The following IGSF10 variants were observed in gnomAD, a reference collection of about 807,000 sequenced individuals.
The protein encoded by IGSF10 is immunoglobulin superfamily member 10.
A neutral mutation model predicts 128.2 loss-of-function variants in IGSF10; 126 were observed. That is an observed-to-expected ratio of 0.98 (90% CI 0.85 to 1.14). The LOEUF (loss-of-function observed/expected upper bound fraction) is 1.14. Among genes scored for constraint, IGSF10 ranks in the 50% most tolerant of loss-of-function variants. The probability of loss-of-function intolerance (pLI) is 0.00; values close to 1 mark genes in which losing one functional copy is unlikely to be tolerated. For missense variants in IGSF10, 3,295 were observed against 3,149.8 expected, an observed-to-expected ratio of 1.05 and a Z score of -1.10; for synonymous variants, 1,185 against 1,146.2, an observed-to-expected ratio of 1.03 and a Z score of -0.68.
chr3:151,598,070 G>GGTGTGTGTGTGTGTGTGT, the IGSF10 span, among the ~76,000 whole-genome samples: 4 of 137,776 alleles, frequency 2.9e-5, no homozygotes, highest in African/African-American at 8.1e-5. Context: ...AATGAGTACT[G>GGTGTGTGTGTGTGTGTGT]GTGTGTGTGT....
the IGSF10 span, among the ~76,000 whole-genome samples, chr3:151,581,523 T>A: frequency 6.6e-6 from 1 of 152,198 alleles, no homozygotes; most frequent in Non-Finnish European, 1.5e-5. Flanking sequence ...TTCTTATTAG[T>A]GGAATGACAG....
the IGSF10 span, among the ~76,000 whole-genome samples, chr3:151,552,241 C>T: frequency 6.6e-6 from 1 of 152,132 alleles, no homozygotes; most frequent in East Asian, 1.9e-4. Context: ...TTCCTGAGGC[C>T]TCCCCAGCCA....
chr3:151,564,565 A>C, the IGSF10 span, among the ~76,000 whole-genome samples: 1 of 152,272 alleles, frequency 6.6e-6, no homozygotes, highest in South Asian at 2.1e-4. Flanking sequence ...GCATTCAGGC[A>C]TGGAAATATT....
At chr3:151,534,471 G>C in the IGSF10 span, among the ~76,000 whole-genome samples, 2 of 152,146 alleles carry the variant, frequency 1.3e-5, no homozygotes, top group Non-Finnish European at 2.9e-5. Context: ...ATACTATGCA[G>C]CCATAAAAAA....
chr3:151,449,722 T>C (rs751610300), intron 5 of IGSF10, among the ~76,000 whole-genome samples: 8 of 152,240 alleles, frequency 5.3e-5, no homozygotes, highest in Non-Finnish European at 1.2e-4. Flanking sequence ...TTATTTATAA[T>C]TCCTTGGGTA....
At chr3:151,504,381 G>T in the IGSF10 span, among the ~76,000 whole-genome samples, 1 of 152,162 alleles carries the variant, frequency 6.6e-6, no homozygotes, top group African/African-American at 2.4e-5. Context: ...TTCAGAATTT[G>T]CAGAGAGAAA....
the IGSF10 span, among the ~76,000 whole-genome samples, chr3:151,485,172 C>T: frequency 1.3e-5 from 2 of 151,660 alleles, no homozygotes; most frequent in Non-Finnish European, 2.9e-5. Flanking sequence ...TATCAATAGC[C>T]AAATCGATCA....
the IGSF10 span, among the ~76,000 whole-genome samples, chr3:151,478,138 C>T: frequency 1.3e-5 from 2 of 152,160 alleles, no homozygotes; most frequent in Non-Finnish European, 2.9e-5. Context: ...ACCTTAAAGC[C>T]CCTTAAAGTG....
rs142272716 is a variant in IGSF10, at chr3:151,458,131, A to ATGTG, written c.194+381_194+384dup. On this transcript the variant is annotated intron_variant, in intron 3 of 7. Transcript: ENST00000282466. Reference sequence around the variant, plus strand: ...GATACATATATATATATATGTATGTATGTGTGTGTGTGTGTGTATTATATA... The same window carrying ATGTG: ...GATACATATATATATATATGTATGTATGTGTGTGTGTGTGTGTGTGTATTATATA... 7.9e-3 allele frequency among the ~76,000 whole-genome samples: 1,192 copies of ATGTG among 150,648 alleles called. 18 individuals carry two copies. The highest frequency in any genetic ancestry group is 0.027 in the African/African-American group (1,118 of 41,142).
downstream of IGSF10, chr3:151,436,174 T>TG: frequency 6.6e-6 from 1 of 152,400 alleles, no homozygotes; most frequent in South Asian, 2.1e-4. Flanking sequence ...TGTGAACAAA[T>TG]GGTGAATCAT....
chr3:151,585,781 CAATT>C, the IGSF10 span, among the ~76,000 whole-genome samples: 68 of 152,022 alleles, frequency 4.5e-4, 1 homozygote, highest in Admixed American at 1.0e-3. Flanking sequence ...AAGAAAGTGT[CAATT>C]AACCTCTTGT....
chr3:151,479,266 T>C, the IGSF10 span, among the ~76,000 whole-genome samples: 2 of 152,098 alleles, frequency 1.3e-5, no homozygotes, highest in South Asian at 4.1e-4. Flanking sequence ...CCCCAAGTCT[T>C]AATGAGAAAA....
At chr3:151,450,948 C>T (rs1037273065) in intron 5 of IGSF10, among the ~76,000 whole-genome samples, 1 of 143,040 alleles carries the variant, frequency 7.0e-6, no homozygotes, top group African/African-American at 2.6e-5. Flanking sequence ...CACTTGCCAA[C>T]AAGCTGTATT....
the IGSF10 span, among the ~76,000 whole-genome samples, chr3:151,567,017 G>A: frequency 6.6e-6 from 1 of 152,174 alleles, no homozygotes; most frequent in East Asian, 1.9e-4. Context: ...CAATCTGTTG[G>A]CTAGCCTGTA....
the IGSF10 span, among the ~76,000 whole-genome samples, chr3:151,510,942 C>A: frequency 6.6e-6 from 1 of 151,406 alleles, no homozygotes; most frequent in Middle Eastern, 3.2e-3. Context: ...TGAACAAAGC[C>A]TCCAAGAAAT....
At chr3:151,497,663 T>G in the IGSF10 span, among the ~76,000 whole-genome samples, 1 of 152,218 alleles carries the variant, frequency 6.6e-6, no homozygotes, top group African/African-American at 2.4e-5. Context: ...ATGTGGGTTC[T>G]TTTTTGGTTC....
the IGSF10 span, among the ~76,000 whole-genome samples, chr3:151,538,382 C>T: frequency 1.3e-5 from 2 of 152,072 alleles, no homozygotes; most frequent in Non-Finnish European, 2.9e-5. Context: ...TTTTGTGGGT[C>T]TGTGCTTGTT....
the IGSF10 span, among the ~76,000 whole-genome samples, chr3:151,550,544 G>C: frequency 1.3e-5 from 2 of 152,108 alleles, no homozygotes; most frequent in Non-Finnish European, 2.9e-5. Flanking sequence ...TTACACAAAT[G>C]GCTATTTAAA....
At chr3:151,457,961 C>T (rs1316139935) in intron 3 of IGSF10, among the ~76,000 whole-genome samples, 1 of 152,046 alleles carries the variant, frequency 6.6e-6, no homozygotes, top group East Asian at 1.9e-4. Context: ...GTCAAATAAA[C>T]GATGCTAAGT....
Sources: allele counts gnomAD v4.1 joint callset (sites outside exome capture counted in the v4.1 genomes callset), GRCh38; gene constraint gnomAD v4.1.1; transcripts MANE v1.5; gene names NCBI Gene and HGNC (gene_info 2026-07-23, HGNC 2026-07-21).